The following PCSK2 variants were observed in gnomAD, a reference collection of about 807,000 sequenced individuals.
The protein encoded by PCSK2 is proprotein convertase subtilisin/kexin type 2, also known as neuroendocrine convertase 2.
PCSK2 carries 14 observed loss-of-function variants against 69.7 expected under a neutral mutation model. The ratio of observed to expected loss-of-function variants is 0.20; its 90% CI spans 0.13 to 0.31. The LOEUF (loss-of-function observed/expected upper bound fraction) is 0.31. Ranked by LOEUF, PCSK2 falls within the 10% of genes least tolerant of loss-of-function variation. The pLI is 1.00. For synonymous variants in PCSK2, 307 were observed against 320.7 expected, an observed-to-expected ratio of 0.96 and a Z score of 0.46; for missense variants, 544 against 842.5, an observed-to-expected ratio of 0.65 and a Z score of 4.39.
chr20:17,293,006 G>A (rs540647932), intron 2 of PCSK2, among the ~76,000 whole-genome samples: 19 of 152,094 alleles, frequency 1.2e-4, no homozygotes, highest in African/African-American at 4.6e-4. Flanking sequence ...TGTATTTTTA[G>A]TAGAGACAAG....
chr20:17,233,534 A>G (rs542726926), intron 1 of PCSK2, among the ~76,000 whole-genome samples: 47 of 152,182 alleles, frequency 3.1e-4, no homozygotes, highest in Non-Finnish European at 5.6e-4. Context: ...TTAATTCATT[A>G]TAGACCATGG....
chr20:17,424,329 A>G (rs1395892677), intron 6 of PCSK2, among the ~76,000 whole-genome samples: 2 of 152,206 alleles, frequency 1.3e-5, no homozygotes, highest in Non-Finnish European at 2.9e-5. Context: ...GCAAAGAGTG[A>G]CATGTATGCT....
intron 2 of PCSK2, among the ~76,000 whole-genome samples, chr20:17,353,531 T>C (rs543674173): frequency 1.8e-4 from 27 of 151,814 alleles, no homozygotes; most frequent in Admixed American, 1.5e-3. Flanking sequence ...AGAACACTTA[T>C]ACGCTGTTGA....
chr20:17,270,957 CT>C, intron 2 of PCSK2, among the ~76,000 whole-genome samples: 2 of 152,196 alleles, frequency 1.3e-5, no homozygotes, highest in East Asian at 3.9e-4. Context: ...ACTAGTTAGT[CT>C]GTAAAATGCC....
At chr20:17,276,047 A>C (rs1988061775) in intron 2 of PCSK2, among the ~76,000 whole-genome samples, 1 of 152,176 alleles carries the variant, frequency 6.6e-6, no homozygotes, top group Non-Finnish European at 1.5e-5. Context: ...GCCATGACCA[A>C]TAATATTTTG....
In PCSK2 at chr20:17,287,091, C is replaced by T. The variant is rs139977967; in HGVS notation, c.282+26747C>T. On this transcript the variant is annotated intron_variant, in intron 2 of 11. Coordinates refer to ENST00000262545, the MANE Select transcript of PCSK2 (RefSeq NM_002594.5). The stretch of plus-strand genomic sequence containing the variant: ...TTCTCCTAAAACCATAAGATAAGAC[C>T]CACCCATATTTTGAGGGCAATCTGC... Among the ~76,000 whole-genome samples, 491 of 152,166 alleles carry T rather than the reference C, an allele frequency of 3.2e-3. 2 individuals carry two copies. Among genetic ancestry groups the T allele is most frequent in the African/African-American group, 0.011 (457 of 41,508 alleles).
At chr20:17,405,435 G>A (rs544289220) in intron 5 of PCSK2, among the ~76,000 whole-genome samples, 16 of 152,248 alleles carry the variant, frequency 1.1e-4, no homozygotes, top group African/African-American at 3.9e-4. Flanking sequence ...AAAAGCAATG[G>A]GCACAGCCAC....
At chr20:17,359,297 A>G (rs576205329) in intron 3 of PCSK2, among the ~76,000 whole-genome samples, 2 of 152,332 alleles carry the variant, frequency 1.3e-5, no homozygotes, top group South Asian at 4.1e-4. Context: ...GGAAGTCCGA[A>G]AATCCAATAT....
Position 17,447,162 on chromosome 20 carries a change from TTG to T in PCSK2, c.886-6579_886-6578del, listed in dbSNP as rs1460659700. Among the ~76,000 whole-genome samples the T allele has an allele frequency of 8.0e-4, 121 of 151,622 alleles. 1 individual carries two copies. In the East Asian group the frequency reaches 0.02, roughly 26 times the overall value. ...GCTATGTGCCTGTAATCCCAGCTAC[TTG>T]GGAGGCTGAGGCAGGAGAATATCTT... is the stretch of plus-strand genomic sequence containing the variant. On this transcript the variant is annotated intron_variant, in intron 8 of 11. Coordinates refer to ENST00000262545, the MANE Select transcript of PCSK2 (RefSeq NM_002594.5).
At chr20:17,327,968 A>G (rs1311902995) in intron 2 of PCSK2, among the ~76,000 whole-genome samples, 1 of 152,186 alleles carries the variant, frequency 6.6e-6, no homozygotes, top group Non-Finnish European at 1.5e-5. Flanking sequence ...TGTTGAGAAG[A>G]AATTTGCTAA....
intron 2 of PCSK2, among the ~76,000 whole-genome samples, chr20:17,281,777 C>T (rs2123046998): frequency 6.6e-6 from 1 of 152,308 alleles, no homozygotes; most frequent in East Asian, 1.9e-4. Flanking sequence ...GATACCTTTT[C>T]TTGCAGGAAT....
At chr20:17,382,041 A>C (rs8122682) in intron 5 of PCSK2, among the ~76,000 whole-genome samples, 2,408 of 152,246 alleles carry the variant, frequency 0.016, 65 homozygotes, top group African/African-American at 0.055. Flanking sequence ...ATCCTATACT[A>C]CATGGCAGCT....
chr20:17,449,063 T>C (rs955683229), intron 8 of PCSK2, among the ~76,000 whole-genome samples: 3 of 152,050 alleles, frequency 2.0e-5, no homozygotes, highest in Admixed American at 2.0e-4. Context: ...TGGGGGTGAG[T>C]GGGCCTCTCG....
chr20:17,418,833 A>G (rs541403603), intron 6 of PCSK2, among the ~76,000 whole-genome samples: 26 of 152,218 alleles, frequency 1.7e-4, no homozygotes, highest in Non-Finnish European at 2.9e-4. Context: ...GGCTGGTGTC[A>G]GCATGCCCTG....
chr20:17,332,133 C>T (rs1289549736), intron 2 of PCSK2, among the ~76,000 whole-genome samples: 1 of 152,136 alleles, frequency 6.6e-6, no homozygotes, highest in South Asian at 2.1e-4. Flanking sequence ...ACGAAACTTG[C>T]AGGTGTTCAC....
chr20:17,337,744 G>A (rs1990394587), intron 2 of PCSK2, among the ~76,000 whole-genome samples: 1 of 151,848 alleles, frequency 6.6e-6, no homozygotes, highest in African/African-American at 2.4e-5. Context: ...GGGCAGTATA[G>A]GGAGACCTGA....
At chr20:17,357,835 A>C (rs1286192119) in intron 2 of PCSK2, among the ~76,000 whole-genome samples, 1 of 151,848 alleles carries the variant, frequency 6.6e-6, no homozygotes, top group African/African-American at 2.4e-5. Context: ...CCAAGGTTGC[A>C]GTGAGCCAAG....
chr20:17,423,862 A>G (rs537776910), intron 6 of PCSK2, among the ~76,000 whole-genome samples: 1 of 152,234 alleles, frequency 6.6e-6, no homozygotes, highest in Non-Finnish European at 1.5e-5. Context: ...CTATGAAAAG[A>G]TTACCTTGCT....
Position 17,456,401 on chromosome 20 carries a change from A to G in PCSK2, c.1155A>G (p.Ala385=), listed in dbSNP as rs556313157. ...CTCTGAGGCATTCTGGGACATCTGC[A>G]GCTGCCCCCGAGGCAGCTGGTGTGT... The part of the protein sequence containing the change: ...NCTLRHSGTS[A]AAPEAAGVFA... Residue 385 remains alanine (A), a synonymous_variant, in exon 10 of 12, where the codon GCA becomes GCG. Transcript: ENST00000262545. 270 of 1,613,196 alleles carry G rather than the reference A, an allele frequency of 1.7e-4. 2 individuals are homozygous for G. In the South Asian group the frequency reaches 2.8e-3, roughly 17 times the overall value.
Sources: allele counts gnomAD v4.1 joint callset (sites outside exome capture counted in the v4.1 genomes callset), GRCh38; gene constraint gnomAD v4.1.1; transcripts MANE v1.5; gene names NCBI Gene and HGNC (gene_info 2026-07-23, HGNC 2026-07-21).